MUC5AC: variants seen among roughly 807,000 people sequenced by gnomAD.
The protein encoded by MUC5AC is mucin-5AC.
MUC5AC carries 158 observed loss-of-function variants against 169.7 expected under a neutral mutation model. That is an observed-to-expected ratio of 0.93 (90% CI 0.82 to 1.06). The LOEUF is 1.06. Ranked by LOEUF, MUC5AC falls within the 50% of genes least tolerant of loss-of-function variation. The probability of loss-of-function intolerance (pLI) is 0.00; values close to 1 mark genes in which losing one functional copy is unlikely to be tolerated. For missense variants in MUC5AC, 4,359 were observed against 3,089.9 expected (o/e 1.41, Z -9.74); for synonymous variants, 1,975 against 1,237.0 (o/e 1.60, Z -12.52).
At chr11:1,167,826 G>T in intron 11 of MUC5AC, 51 bp from the exon 12 acceptor site, 1 of 1,475,312 alleles carries the variant, frequency 6.8e-7, no homozygotes, top group Non-Finnish European at 9.3e-7. Flanking sequence ...GGGCCAGGTG[G>T]GCTGGGCGTT....
Position 1,189,799 on chromosome 11 carries a change from C to T in MUC5AC, c.11654C>T (p.Thr3885Ile). 1 of 721,502 alleles carries T rather than the reference C, an allele frequency of 1.4e-6. No homozygotes were observed. The highest frequency in any genetic ancestry group is 1.4e-5 in the South Asian group (1 of 68,994). The allele number at this position is 721,502 out of a possible 1,614,324, so 44.7% of individuals were successfully genotyped here. A position where few individuals can be genotyped will look rare whatever the true frequency, so the allele number is the denominator to read the frequency against. ...ACCAGCACAACCTCTTTCCATACAACCAGCACAACCTCTCCCCCTACAAGC... is the reference window on the plus strand; with the variant it reads ...ACCAGCACAACCTCTTTCCATACAATCAGCACAACCTCTCCCCCTACAAGC... The part of the protein sequence containing the change: ...PTTSTTSFHT[T>I]STTSPPTSST... The change falls in exon 31 of 49, where the codon ACC becomes ATC. Residue 3885 changes from threonine (T) to isoleucine (I), a missense_variant. Thr to Ile is a moderately conservative substitution (Grantham distance 89). Transcript: ENST00000621226.
chr11:1,161,677 C>A, intron 3 of MUC5AC, 91 bp downstream of exon 3: 2 of 1,419,512 alleles, frequency 1.4e-6, no homozygotes, highest in Non-Finnish European at 1.9e-6. Flanking sequence ...GAGAGGGGCC[C>A]CAGCTTTCCG....
chr11:1,168,902 C>T lies in MUC5AC; in HGVS notation c.1746C>T (p.Phe582=), dbSNP rs773699394. ...GNFNSIQADD[F]RTLSGVVEAT... Reference sequence around the variant, plus strand: ...TCAACAGCATCCAGGCCGATGACTTCCGGACCCTCAGTGGGGTGGTGGAGG... The same window carrying T: ...TCAACAGCATCCAGGCCGATGACTTTCGGACCCTCAGTGGGGTGGTGGAGG... Residue 582 remains phenylalanine (F), a synonymous_variant, in exon 15 of 49, where the codon TTC becomes TTT. Coordinates refer to ENST00000621226, the MANE Select transcript of MUC5AC (RefSeq NM_001304359.2). 6.2e-6 allele frequency: 10 copies of T among 1,610,066 alleles called. No homozygotes were observed. The African/African-American group carries it at 8.0e-5, about 13-fold the overall frequency.
At position 1,184,945 on chromosome 11, in the gene MUC5AC, G is replaced by T; in HGVS notation, c.6800G>T (p.Ser2267Ile). 1 of 661,686 alleles carries T rather than the reference G, an allele frequency of 1.5e-6. No homozygotes were observed. The highest frequency in any genetic ancestry group is 2.7e-6 in the Non-Finnish European group (1 of 365,122). The allele number at this position is 661,686 out of a possible 1,614,324, so 41.0% of individuals were successfully genotyped here. A position where few individuals can be genotyped will look rare whatever the true frequency, so the allele number is the denominator to read the frequency against. ...AGCACAACCTCCACTCCACAGACCA[G>T]TACAACCTATGCCCATACAACCAGC... ...TTSTTSTPQT[S>I]TTYAHTTSTT... The change falls in exon 31 of 49, where the codon AGT (serine) becomes ATT (isoleucine). Residue 2267 changes from serine to isoleucine, a missense_variant. Ser to Ile is a moderately radical substitution (Grantham distance 142). Coordinates refer to ENST00000621226, the MANE Select transcript of MUC5AC (RefSeq NM_001304359.2).
rs367753785 is a variant in MUC5AC, at chr11:1,161,908, C to T, written c.213C>T (p.Ala71=). The T allele has an allele frequency of 1.7e-4, 269 of 1,611,102 alleles. No individual in the cohort carries two copies. The highest frequency in any genetic ancestry group is 6.6e-4 in the Middle Eastern group (4 of 6,078). ...AACACCATGCTGCTTCCACCGCAGC[C>T]TCCAACCCGGCGCACAACGGGCGGG... ...PSLRTIPVVR[A]SNPAHNGRVC... is the part of the protein sequence containing the mutation. The change falls in exon 4 of 49, where the codon GCC becomes GCT. Residue 71 remains alanine (A), a splice_region_variant and synonymous_variant. Transcript: ENST00000621226.
intron 15 of MUC5AC, among the ~76,000 whole-genome samples, chr11:1,170,374 C>T (rs1212599671): frequency 4.1e-4 from 59 of 143,346 alleles, no homozygotes; most frequent in East Asian, 8.8e-4. Flanking sequence ...CTCACTCACG[C>T]GCCCACTCAC....
intron 48 of MUC5AC, among the ~76,000 whole-genome samples, chr11:1,200,191 C>T (rs1057193910): frequency 6.6e-6 from 1 of 152,228 alleles, no homozygotes; most frequent in South Asian, 2.1e-4. Flanking sequence ...GTTTACTGAG[C>T]TCCGCCAGGA....
rs767808950 is a variant in MUC5AC, at chr11:1,192,370, C to T, written c.14225C>T (p.Ser4742Phe). 9 of 765,020 alleles carry T rather than the reference C, an allele frequency of 1.2e-5. No individual in the cohort carries two copies. The East Asian group carries it at 2.2e-4, about 19-fold the overall frequency. The allele number at this position is 765,020 out of a possible 1,614,324, so 47.4% of individuals were successfully genotyped here. Residue 4742 changes from serine (S) to phenylalanine (F), a missense_variant, in exon 31 of 49, where the codon TCT (serine) becomes TTT (phenylalanine). Transcript: ENST00000621226. The stretch of plus-strand genomic sequence containing the variant: ...ACCTCTGTGACCCCATATGGGACTT[C>T]TCCTACCAATGCTCTGTATCCTTCC... The part of the protein sequence containing the change: ...PVTSVTPYGT[S>F]PTNALYPSLS...
At position 1,162,555 on chromosome 11, in the gene MUC5AC, C is replaced by T; in HGVS notation, c.497C>T (p.Ser166Phe). 6.2e-7 allele frequency: 1 copy of T among 1,612,718 alleles called. No individual in the cohort carries two copies. Among genetic ancestry groups the T allele is most frequent in the Non-Finnish European group, 8.5e-7 (1 of 1,179,876 alleles). ...GHPVLLPFSQ[S>F]GVLIQQSSSY... The stretch of plus-strand genomic sequence containing the variant: ...AGGGTCCTGCTGCCCTTCAGCCAGT[C>T]TGGGGTCCTCATTCAGCAGAGCAGC... Residue 166 changes from serine to phenylalanine, a missense_variant, in exon 5 of 49, where the codon TCT becomes TTT. By Grantham distance (155) the Ser-to-Phe change is radical (BLOSUM62 -2). Coordinates refer to ENST00000621226, the MANE Select transcript of MUC5AC (RefSeq NM_001304359.2).
chr11:1,169,094 C>T (rs1272366796), intron 15 of MUC5AC, 68 bp downstream of exon 15: 1 of 1,474,312 alleles, frequency 6.8e-7, no homozygotes, highest in Non-Finnish European at 9.0e-7. Context: ...CCATTTGGCA[C>T]TGCAGGCAGC....
rs1860976918 is a variant in MUC5AC, at chr11:1,187,316, C to T, written c.9171C>T (p.Thr3057=). ...SPQTSTTSAS[T]TSITSGPGTT... ...AGACCAGCACAACCTCGGCTTCTAC[C>T]ACCAGCATAACTTCTGGTCCTGGAA... The change falls in exon 31 of 49, where the codon ACC becomes ACT. Residue 3057 remains threonine (T), a synonymous_variant. Transcript: ENST00000621226. 1.4e-6 allele frequency: 1 copy of T among 702,286 alleles called. No homozygotes were observed. Among genetic ancestry groups the T allele is most frequent in the East Asian group, 2.7e-5 (1 of 37,026 alleles). 43.5% of individuals were successfully genotyped at this position (702,286 alleles called of 1,614,324 possible).
In MUC5AC at chr11:1,195,210, C is replaced by T. The variant is rs778235361; in HGVS notation, c.15389C>T (p.Thr5130Ile). Residue 5130 changes from threonine to isoleucine, a missense_variant, in exon 36 of 49, where the codon ACC becomes ATC. By Grantham distance (89) the Thr-to-Ile change is moderately conservative. Coordinates refer to ENST00000621226, the MANE Select transcript of MUC5AC (RefSeq NM_001304359.2). ...TTVGPTTVGS[T>I]TVGPTTPPAP... ...GTCGGGCCCACCACAGTTGGGTCTA[C>T]CACGGTCGGGCCCACCACACCGCCT... The T allele has an allele frequency of 1.3e-6, 1 of 760,698 alleles. No individual in the cohort carries two copies. Among genetic ancestry groups the T allele is most frequent in the Non-Finnish European group, 2.4e-6 (1 of 415,846 alleles). The allele number at this position is 760,698 out of a possible 1,614,324, so 47.1% of individuals were successfully genotyped here.
rs1281519769 is a variant in MUC5AC at position 1,183,278 on chromosome 11, G to A, written c.5133G>A (p.Ser1711=). The change falls in exon 31 of 49, where the codon TCG becomes TCA. Residue 1711 remains serine (S), a synonymous_variant. Transcript: ENST00000621226. The stretch of plus-strand genomic sequence containing the variant: ...CCACCTTCACCACACACATGCCCTC[G>A]GCCTCCACAGAGCAACCCACGGCAA... ...TQTTFTTHMP[S]ASTEQPTATS... is the part of the protein sequence containing the mutation. 10 of 409,310 alleles carry A rather than the reference G, an allele frequency of 2.4e-5. 1 individual carries two copies. Among genetic ancestry groups the A allele is most frequent in the Admixed American group, 9.3e-5 (2 of 21,418 alleles). The allele number at this position is 409,310 out of a possible 1,614,324, so 25.4% of individuals were successfully genotyped here.
In MUC5AC at chr11:1,177,459, C is replaced by T. The variant is rs939980804; in HGVS notation, c.2913C>T (p.Phe971=). 1.0e-4 allele frequency: 41 copies of T among 399,024 alleles called. No individual in the cohort carries two copies. The highest frequency in any genetic ancestry group is 5.8e-4 in the Middle Eastern group (1 of 1,724). The allele number at this position is 399,024 out of a possible 1,614,324, so 24.7% of individuals were successfully genotyped here. A position where few individuals can be genotyped will look rare whatever the true frequency, so the allele number is the denominator to read the frequency against. Residue 971 remains phenylalanine, a synonymous_variant, in exon 24 of 49, where the codon TTC becomes TTT. Coordinates refer to ENST00000621226, the MANE Select transcript of MUC5AC (RefSeq NM_001304359.2). The part of the protein sequence containing the change: ...SKAIKIFLGG[F]ELKLSHGKVE... Reference sequence around the variant, plus strand: ...AGTGACCCCTTGCCATGCAGGGCTTCGAGCTGAAGCTAAGCCATGGGAAGG... The same window carrying T: ...AGTGACCCCTTGCCATGCAGGGCTTTGAGCTGAAGCTAAGCCATGGGAAGG...
rs2133765042 is a variant in MUC5AC at position 1,190,197 on chromosome 11, G to C, written c.12052G>C (p.Val4018Leu). The C allele has an allele frequency of 1.3e-6, 1 of 763,924 alleles. No homozygotes were observed. The highest frequency in any genetic ancestry group is 2.4e-6 in the Non-Finnish European group (1 of 417,440). 47.3% of individuals were successfully genotyped at this position (763,924 alleles called of 1,614,324 possible). ...GGTGAGCATCGAACACCTGGGCCAG[G>C]TGGTGCAGTGCAGCCGGGAAGAGGG... is the stretch of plus-strand genomic sequence containing the variant. ...PEVSIEHLGQ[V>L]VQCSREEGLV... The change falls in exon 31 of 49, where the codon GTG (valine) becomes CTG (leucine). Residue 4018 changes from valine to leucine, a missense_variant. By Grantham distance (32) the Val-to-Leu change is conservative (BLOSUM62 1). Coordinates refer to ENST00000621226, the MANE Select transcript of MUC5AC (RefSeq NM_001304359.2).
rs774841863 is a variant in MUC5AC, at chr11:1,162,155, G to A, written c.460G>A (p.Val154Ile). 6.2e-7 allele frequency: 1 copy of A among 1,610,580 alleles called. No individual in the cohort carries two copies. Among genetic ancestry groups the A allele is most frequent in the East Asian group, 2.2e-5 (1 of 44,826 alleles). The change falls in exon 4 of 49, where the codon GTC becomes ATC. Residue 154 changes from valine (V) to isoleucine (I), a missense_variant. Coordinates refer to ENST00000621226, the MANE Select transcript of MUC5AC (RefSeq NM_001304359.2). ...CCAGCTGACCAAGGGCTCCGTCCTG[G>A]TCAACGGCCACCCGTGAGTCTGGGT... ...VIQLTKGSVL[V>I]NGHPVLLPFS...
At position 1,185,212 on chromosome 11, in the gene MUC5AC, TA is replaced by T; in HGVS notation, c.7069del (p.Thr2357ProfsTer197). Reference sequence around the variant, plus strand: ...CCCAGCCCTGTTCCTACCACCAGCATAACCTCTGCCCCTACAACCAGCACAA... The same window carrying T: ...CCCAGCCCTGTTCCTACCACCAGCATACCTCTGCCCCTACAACCAGCACAA... ...TTPSPVPTTSITSAPTTSTTS... is the reference protein window; with the variant it reads ...TTPSPVPTTSXTSAPTTSTTS... On this transcript the variant is annotated frameshift_variant, in exon 31 of 49. Transcript: ENST00000621226. LOFTEE classifies it high-confidence loss of function. The T allele has an allele frequency of 2.3e-6, 1 of 440,408 alleles. No homozygotes were observed. 27.3% of individuals were successfully genotyped at this position (440,408 alleles called of 1,614,324 possible). A position where few individuals can be genotyped will look rare whatever the true frequency, so the allele number is the denominator to read the frequency against.
At chr11:1,176,829 C>T (rs941101960) in intron 21 of MUC5AC, 99 bp from the exon 22 acceptor site, 12 of 398,602 alleles carry the variant, frequency 3.0e-5, no homozygotes, top group Non-Finnish European at 4.9e-5. Context: ...CCAGTGGGCG[C>T]GTGTCTATGG....
chr11:1,188,399 T>C lies in MUC5AC; in HGVS notation c.10254T>C (p.Pro3418=), dbSNP rs1244682469. 2 of 630,938 alleles carry C rather than the reference T, an allele frequency of 3.2e-6. No individual in the cohort carries two copies. Among genetic ancestry groups the C allele is most frequent in the Non-Finnish European group, 5.9e-6 (2 of 340,712 alleles). 39.1% of individuals were successfully genotyped at this position (630,938 alleles called of 1,614,324 possible). A position where few individuals can be genotyped will look rare whatever the true frequency, so the allele number is the denominator to read the frequency against. The part of the protein sequence containing the change: ...SAPTSSTTSA[P]TSSTISARTT... ...CTACAAGCAGCACAACCTCGGCTCC[T>C]ACAAGCAGCACAATCTCTGCTCGTA... The change falls in exon 31 of 49, where the codon CCT becomes CCC. Residue 3418 remains proline, a synonymous_variant. Transcript: ENST00000621226.
Sources: allele counts gnomAD v4.1 joint callset (sites outside exome capture counted in the v4.1 genomes callset), GRCh38; gene constraint gnomAD v4.1.1; transcripts MANE v1.5; gene names NCBI Gene and HGNC (gene_info 2026-07-23, HGNC 2026-07-21).